WNT9B: variants seen among roughly 807,000 people sequenced by gnomAD.
WNT9B encodes the protein Wnt family member 9B.
In WNT9B, 12 loss-of-function variants were observed where a neutral mutation model predicts 30.2. The observed-to-expected ratio is 0.40, with a 90% confidence interval of 0.26 to 0.64. The LOEUF (loss-of-function observed/expected upper bound fraction) is 0.64. Among genes scored for constraint, WNT9B ranks in the 30% least tolerant of loss-of-function variants. The pLI is 0.42. For missense variants in WNT9B, 442 were observed against 485.2 expected, an observed-to-expected ratio of 0.91 and a Z score of 0.84; for synonymous variants, 218 against 216.9, an observed-to-expected ratio of 1.01 and a Z score of -0.05.
In WNT9B at chr17:46,879,669, T is replaced by C. The variant is rs1379388909; in HGVS notation, c.*2951T>C. ...AGTCACACCTAAGAGACTTGTTCAA[T>C]GAATATTTACTGAACATCTCCATAG... On this transcript the variant is annotated 3_prime_UTR_variant, in exon 4 of 4. Transcript: ENST00000290015. 6.6e-6 allele frequency among the ~76,000 whole-genome samples: 1 copy of C among 152,222 alleles called. No homozygotes were observed. The highest frequency in any genetic ancestry group is 1.5e-5 in the Non-Finnish European group (1 of 68,048).
In WNT9B at chr17:46,872,677, G is replaced by C; in HGVS notation, c.238G>C (p.Asp80His). ...GCCCGGCCTGGCTGAGACCCTGAGG[G>C]ATGCTGCGCACCTCGGCCTGCTTGA... ...REPGLAETLRDAAHLGLLECQ... is the reference protein window; with the variant it reads ...REPGLAETLRHAAHLGLLECQ... The change falls in exon 2 of 4, where the codon GAT (aspartate) becomes CAT (histidine). Residue 80 changes from aspartate to histidine, a missense_variant. Asp to His is a moderately conservative substitution (Grantham distance 81). Transcript: ENST00000290015. 1 of 1,613,638 alleles carries C rather than the reference G, an allele frequency of 6.2e-7. No homozygotes were observed. Among genetic ancestry groups the C allele is most frequent in the Non-Finnish European group, 8.5e-7 (1 of 1,179,996 alleles).
At position 46,875,465 on chromosome 17, in the gene WNT9B, T is replaced by A. The variant is rs955788425; in HGVS notation, c.600+99T>A. 1.6e-5 allele frequency: 23 copies of A among 1,410,608 alleles called. No homozygotes were observed. In the African/African-American group the frequency reaches 2.8e-4, roughly 17 times the overall value. 87.4% of individuals were successfully genotyped at this position (1,410,608 alleles called of 1,614,324 possible). The stretch of plus-strand genomic sequence containing the variant: ...CCAGCACCCCACTCCCCAAAATACA[T>A]GAAGAGCCGTGAACTTCATAAAGGC... On this transcript the variant is annotated intron_variant, in intron 3 of 3. Transcript: ENST00000290015.
At position 46,876,986 on chromosome 17, in the gene WNT9B, A is replaced by G; in HGVS notation, c.*268A>G. The G allele has an allele frequency of 7.8e-7, 1 of 1,280,348 alleles. No homozygotes were observed. Among genetic ancestry groups the G allele is most frequent in the Admixed American group, 3.7e-5 (1 of 27,226 alleles). The allele number at this position is 1,280,348 out of a possible 1,614,324, so 79.3% of individuals were successfully genotyped here. ...TGGAGAGGAGGGCAGAGTGAGAAAG[A>G]CATGGAGGGAAATAAGGGAGACCAA... On this transcript the variant is annotated 3_prime_UTR_variant, in exon 4 of 4. Coordinates refer to ENST00000290015, the MANE Select transcript of WNT9B (RefSeq NM_003396.3).
At chr17:46,870,047 C>T (rs774189602) in intron 1 of WNT9B, among the ~76,000 whole-genome samples, 1 of 152,080 alleles carries the variant, frequency 6.6e-6, no homozygotes, top group African/African-American at 2.4e-5. Flanking sequence ...TATACTGTAG[C>T]TATAATGATA....
intron 1 of WNT9B, among the ~76,000 whole-genome samples, chr17:46,861,575 C>A (rs1598849029): frequency 6.6e-6 from 1 of 152,290 alleles, no homozygotes; most frequent in African/African-American, 2.4e-5. Context: ...GAGACTTATC[C>A]CCATCGGACT....
chr17:46,881,422 C>T (rs1055567568), downstream of WNT9B, among the ~76,000 whole-genome samples: 12 of 152,262 alleles, frequency 7.9e-5, no homozygotes, highest in African/African-American at 2.9e-4. Flanking sequence ...TATTTTCTCT[C>T]TTGAACCTCA....
At chr17:46,884,649 G>A (rs1026805824), downstream of WNT9B, among the ~76,000 whole-genome samples, 1 of 152,180 alleles carries the variant, frequency 6.6e-6, no homozygotes, top group African/African-American at 2.4e-5. Flanking sequence ...TGCCTCTCGT[G>A]TGCATTGTTG....
chr17:46,862,995 A>G (rs1168409406), intron 1 of WNT9B, among the ~76,000 whole-genome samples: 1 of 152,210 alleles, frequency 6.6e-6, no homozygotes, highest in Non-Finnish European at 1.5e-5. Context: ...TTCAGAGGGA[A>G]CGGGCCTGGC....
intron 1 of WNT9B, among the ~76,000 whole-genome samples, chr17:46,844,693 AGAT>A (rs2084754210): frequency 1.3e-5 from 2 of 152,222 alleles, no homozygotes; most frequent in Non-Finnish European, 2.9e-5. Context: ...ACAAACTAAA[AGAT>A]GTTGAGAATG....
intron 1 of WNT9B, among the ~76,000 whole-genome samples, chr17:46,840,687 C>T (rs936535671): frequency 7.2e-5 from 11 of 152,158 alleles, no homozygotes; most frequent in African/African-American, 2.4e-4. Flanking sequence ...TTTTAATGGT[C>T]GCCATTCTAA....
At chr17:46,852,112 C>A (rs1209318141) in intron 1 of WNT9B, among the ~76,000 whole-genome samples, 2 of 152,256 alleles carry the variant, frequency 1.3e-5, no homozygotes, top group East Asian at 1.9e-4. Flanking sequence ...GCCATCCTGG[C>A]CTCCGGCGAG....
At chr17:46,839,981 CTTTCTT>C (rs1568113781) in intron 1 of WNT9B, among the ~76,000 whole-genome samples, 3 of 113,326 alleles carry the variant, frequency 2.6e-5, no homozygotes, top group Non-Finnish European at 3.7e-5. Context: ...TCTTTCTCTT[CTTTCTT>C]TCTTTTTTCT....
chr17:46,876,956 G>T lies in WNT9B; in HGVS notation c.*238G>T. 7.6e-7 allele frequency: 1 copy of T among 1,310,306 alleles called. No individual in the cohort carries two copies. Among genetic ancestry groups the T allele is most frequent in the South Asian group, 2.8e-5 (1 of 35,216 alleles). 81.2% of individuals were successfully genotyped at this position (1,310,306 alleles called of 1,614,324 possible). A position where few individuals can be genotyped will look rare whatever the true frequency, so the allele number is the denominator to read the frequency against. Reference sequence around the variant, plus strand: ...ACCCAAGCATCCCCAACCTTGTTGAGGACTTGGAGAGGAGGGCAGAGTGAG... The same window carrying T: ...ACCCAAGCATCCCCAACCTTGTTGATGACTTGGAGAGGAGGGCAGAGTGAG... On this transcript the variant is annotated 3_prime_UTR_variant, in exon 4 of 4. Coordinates refer to ENST00000290015, the MANE Select transcript of WNT9B (RefSeq NM_003396.3).
Position 46,851,649 on chromosome 17 carries a change from C to T in WNT9B, c.11C>T (p.Pro4Leu). 2.3e-6 allele frequency: 3 copies of T among 1,283,114 alleles called. No individual in the cohort carries two copies. The highest frequency in any genetic ancestry group is 2.9e-6 in the Non-Finnish European group (3 of 1,019,800). The allele number at this position is 1,283,114 out of a possible 1,614,324, so 79.5% of individuals were successfully genotyped here. Residue 4 changes from proline (P) to leucine (L), a missense_variant, in exon 1 of 4, where the codon CCG (proline) becomes CTG (leucine). Physicochemically the swap from Pro to Leu is moderately conservative, Grantham distance 98. Transcript: ENST00000290015. The surrounding 1 kb of genome is among the most constrained non-coding windows in gnomAD (Gnocchi z 4.3). MRP[P>L]PALALAGLCL... ...AGCGCCGCCAGCACCATGCGCCCCC[C>T]GCCCGCGCTGGCCCTGGCCGGGCTC...
chr17:46,866,807 G>A (rs1739665293), intron 1 of WNT9B, among the ~76,000 whole-genome samples: 1 of 152,076 alleles, frequency 6.6e-6, no homozygotes, highest in Admixed American at 6.6e-5. Flanking sequence ...CCACATCCTG[G>A]GGATAGCCTC....
At chr17:46,840,367 C>G (rs527769041) in intron 1 of WNT9B, among the ~76,000 whole-genome samples, 1 of 152,142 alleles carries the variant, frequency 6.6e-6, no homozygotes, top group African/African-American at 2.4e-5. Flanking sequence ...ATTACAGGCG[C>G]GAGCCACGGT....
chr17:46,841,778 C>T (rs2084717101), intron 1 of WNT9B, among the ~76,000 whole-genome samples: 1 of 152,232 alleles, frequency 6.6e-6, no homozygotes, highest in South Asian at 2.1e-4. Flanking sequence ...ACAGGGAAGC[C>T]TGCATCCAGC....
At chr17:46,862,437 G>A (rs763877673) in intron 1 of WNT9B, among the ~76,000 whole-genome samples, 4 of 152,046 alleles carry the variant, frequency 2.6e-5, no homozygotes, top group African/African-American at 9.7e-5. Flanking sequence ...GCTTGCTACC[G>A]TATGAGTTCA....
chr17:46,874,079 A>T (rs2085302263), intron 2 of WNT9B, among the ~76,000 whole-genome samples: 1 of 151,956 alleles, frequency 6.6e-6, no homozygotes, highest in African/African-American at 2.4e-5. Context: ...AGCCAAGCTA[A>T]TGGCCTCTCT....
Sources: gnomAD v4.1 joint callset for allele counts (sites outside exome capture counted in the v4.1 genomes callset) on GRCh38, gnomAD v4.1.1 for gene constraint, Gnocchi (gnomAD v3.1) non-coding constraint, MANE v1.5 for transcripts, NCBI Gene and HGNC (gene_info 2026-07-23, HGNC 2026-07-21) for gene names.